The following CCDC62 variants were observed in gnomAD, a reference collection of about 807,000 sequenced individuals.
The protein encoded by CCDC62 is coiled-coil domain-containing protein 62.
CCDC62 carries 72 observed loss-of-function variants against 80.8 expected under a neutral mutation model. The ratio of observed to expected loss-of-function variants is 0.89; its 90% CI spans 0.74 to 1.08. The LOEUF (loss-of-function observed/expected upper bound fraction) is 1.08. CCDC62 is among the 50% of genes least tolerant of loss of function. The probability of loss-of-function intolerance (pLI) is 0.00; values close to 1 mark genes in which losing one functional copy is unlikely to be tolerated. For synonymous variants in CCDC62, 286 were observed against 296.5 expected, an observed-to-expected ratio of 0.96 and a Z score of 0.36; for missense variants, 704 against 809.4, an observed-to-expected ratio of 0.87 and a Z score of 1.58.
In CCDC62 at chr12:122,826,950, A is replaced by G. The variant is rs1034954840; in HGVS notation, c.*569A>G. On this transcript the variant is annotated 3_prime_UTR_variant, in exon 13 of 13. Transcript: ENST00000253079. ...TATAAAATATAAAATGTAACTGGAA[A>G]ATAGCTCGAGGTCCTTCTGTCCCAA... 3 of 152,576 alleles carry G rather than the reference A, an allele frequency of 2.0e-5. No individual in the cohort carries two copies. Among genetic ancestry groups the G allele is most frequent in the Admixed American group, 2.0e-4 (3 of 15,290 alleles). 9.5% of individuals were successfully genotyped at this position (152,576 alleles called of 1,614,324 possible).
At chr12:122,824,820 C>T (rs1010510737) in intron 12 of CCDC62, among the ~76,000 whole-genome samples, 2 of 152,210 alleles carry the variant, frequency 1.3e-5, no homozygotes, top group Non-Finnish European at 2.9e-5. Flanking sequence ...CATGGTGGCT[C>T]ATGCCTATAA....
At chr12:122,788,174 A>G (rs978493004) in intron 4 of CCDC62, among the ~76,000 whole-genome samples, 2 of 152,216 alleles carry the variant, frequency 1.3e-5, no homozygotes, top group African/African-American at 4.8e-5. Flanking sequence ...ACTTATTTTT[A>G]TACTTTTAGG....
chr12:122,795,769 A>G (rs1030872739), intron 6 of CCDC62, among the ~76,000 whole-genome samples: 1 of 152,134 alleles, frequency 6.6e-6, no homozygotes, highest in Non-Finnish European at 1.5e-5. Context: ...GGAGTTTGCA[A>G]AGAGAACAAT....
Position 122,801,295 on chromosome 12 carries a change from C to A in CCDC62, c.1149C>A (p.Ile383=), listed in dbSNP as rs770962624. The A allele has an allele frequency of 6.2e-7, 1 of 1,614,056 alleles. No homozygotes were observed. The highest frequency in any genetic ancestry group is 2.2e-5 in the East Asian group (1 of 44,892). The change falls in exon 9 of 13, where the codon ATC becomes ATA. Residue 383 remains isoleucine, a synonymous_variant. Transcript: ENST00000253079. ...CDECKEKKQQ[I]DTVFGEKSVI... is the part of the protein sequence containing the mutation. ...AATGCAAAGAGAAGAAACAACAGAT[C>A]GATACTGTGTTTGGGGAGAAAAGTG...
chr12:122,826,300 C>T lies in CCDC62; in HGVS notation c.*41-122C>T, dbSNP rs1010528142. The T allele has an allele frequency of 1.3e-5, 5 of 381,110 alleles. 1 individual carries two copies. The highest frequency in any genetic ancestry group is 1.3e-4 in the Admixed American group (4 of 30,886). The allele number at this position is 381,110 out of a possible 1,614,324, so 23.6% of individuals were successfully genotyped here. ...TTCATATTTATAGTATTTTGCATGTCCTGATGTTGATGAAAATCAGGATGT... is the reference window on the plus strand; with the variant it reads ...TTCATATTTATAGTATTTTGCATGTTCTGATGTTGATGAAAATCAGGATGT... On this transcript the variant is annotated intron_variant, in intron 12 of 12. Coordinates refer to ENST00000253079, the MANE Select transcript of CCDC62 (RefSeq NM_201435.5).
chr12:122,779,228 A>C (rs1392839965), intron 2 of CCDC62, among the ~76,000 whole-genome samples: 1 of 152,210 alleles, frequency 6.6e-6, no homozygotes, highest in East Asian at 1.9e-4. Flanking sequence ...ATGAAAACCA[A>C]ATTGAGATAC....
At chr12:122,801,909 A>G in intron 9 of CCDC62, 57 bp downstream of exon 9, 1 of 1,551,322 alleles carries the variant, frequency 6.4e-7, no homozygotes, top group Non-Finnish European at 8.7e-7. Flanking sequence ...GTATTTGGAA[A>G]TACAAAGGGT....
At chr12:122,808,458 A>G (rs976264376) in intron 10 of CCDC62, among the ~76,000 whole-genome samples, 3 of 152,058 alleles carry the variant, frequency 2.0e-5, no homozygotes, top group East Asian at 1.9e-4. Flanking sequence ...CTTTGTATAG[A>G]CACATTTTTT....
Position 122,788,767 on chromosome 12 carries a change from A to C in CCDC62, c.508A>C (p.Ile170Leu). The C allele has an allele frequency of 6.4e-7, 1 of 1,561,252 alleles. No homozygotes were observed. Among genetic ancestry groups the C allele is most frequent in the Non-Finnish European group, 8.6e-7 (1 of 1,160,640 alleles). ...TTMIKLKDKD[I>L]IEAVNHIADC... ...CAAATTTGGTTTTTAGGACAAAGAT[A>C]TTATTGAGGCAGTTAATCACATTGC... The change falls in exon 5 of 13, where the codon ATT (isoleucine) becomes CTT (leucine). Residue 170 changes from isoleucine to leucine, a missense_variant. Coordinates refer to ENST00000253079, the MANE Select transcript of CCDC62 (RefSeq NM_201435.5).
At chr12:122,795,041 C>T (rs999008086) in intron 6 of CCDC62, among the ~76,000 whole-genome samples, 2 of 152,010 alleles carry the variant, frequency 1.3e-5, no homozygotes, top group Non-Finnish European at 2.9e-5. Flanking sequence ...CTAAATGTCA[C>T]GATTTTTTTT....
chr12:122,775,416 G>T (rs1288051699), intron 1 of CCDC62, among the ~76,000 whole-genome samples: 2 of 152,152 alleles, frequency 1.3e-5, no homozygotes, highest in Non-Finnish European at 2.9e-5. Context: ...TCGGCTTACT[G>T]CCTGTTTTCC....
At chr12:122,795,815 C>A (rs965353893) in intron 6 of CCDC62, among the ~76,000 whole-genome samples, 14 of 152,130 alleles carry the variant, frequency 9.2e-5, no homozygotes, top group African/African-American at 3.1e-4. Flanking sequence ...CCTGACAGTC[C>A]TGTAGGTGAG....
intron 3 of CCDC62, among the ~76,000 whole-genome samples, chr12:122,782,488 C>T (rs1352499068): frequency 6.6e-6 from 1 of 152,090 alleles, no homozygotes; most frequent in Non-Finnish European, 1.5e-5. Flanking sequence ...GATGGAGTTT[C>T]ACTCTTGTTG....
chr12:122,811,821 CAAAAAAAAAAAAAA>C (rs67025764), intron 10 of CCDC62, among the ~76,000 whole-genome samples: 24 of 34,664 alleles, frequency 6.9e-4, no homozygotes, highest in South Asian at 2.1e-3. Flanking sequence ...ACTCCATCTG[CAAAAAAAAAAAAAA>C]AAAAAAAAAA....
Position 122,806,266 on chromosome 12 carries a change from T to C in CCDC62, c.1822T>C (p.Tyr608His), listed in dbSNP as rs2031596790. Residue 608 changes from tyrosine (Y) to histidine (H), a missense_variant, in exon 10 of 13, where the codon TAC becomes CAC. By Grantham distance (83) the Tyr-to-His change is moderately conservative (BLOSUM62 2). Coordinates refer to ENST00000253079, the MANE Select transcript of CCDC62 (RefSeq NM_201435.5). ...KKNSPTSLLI[Y>H]KDAPAFNEKA... ...GAACTCACCTACGAGTTTGTTAATC[T>C]ACAAAGATGCACCAGCATTCAATGA... 1 of 1,612,514 alleles carries C rather than the reference T, an allele frequency of 6.2e-7. No individual in the cohort carries two copies. Among genetic ancestry groups the C allele is most frequent in the Non-Finnish European group, 8.5e-7 (1 of 1,179,064 alleles).
intron 4 of CCDC62, among the ~76,000 whole-genome samples, chr12:122,788,401 T>A (rs2030398479): frequency 6.6e-6 from 1 of 152,196 alleles, no homozygotes; most frequent in South Asian, 2.1e-4. Context: ...ACCCTCTTGC[T>A]GCTATTATAG....
chr12:122,811,617 C>G (rs112288169), intron 10 of CCDC62, among the ~76,000 whole-genome samples: 1 of 150,298 alleles, frequency 6.7e-6, no homozygotes, highest in African/African-American at 2.4e-5. Flanking sequence ...GTCAGGAGAT[C>G]GAGACCATCC....
intron 11 of CCDC62, among the ~76,000 whole-genome samples, chr12:122,815,962 G>C (rs1045124127): frequency 3.9e-5 from 6 of 152,142 alleles, no homozygotes; most frequent in African/African-American, 1.2e-4. Context: ...GGCAATTCTT[G>C]CTTAGTCCTT....
At chr12:122,822,192 C>T (rs535008185) in intron 11 of CCDC62, among the ~76,000 whole-genome samples, 1 of 151,262 alleles carries the variant, frequency 6.6e-6, no homozygotes, top group African/African-American at 2.4e-5. Context: ...CAACCTCCAC[C>T]TCCCAGGTTC....
Sources: gnomAD v4.1 joint callset for allele counts (sites outside exome capture counted in the v4.1 genomes callset) on GRCh38, gnomAD v4.1.1 for gene constraint, MANE v1.5 for transcripts, NCBI Gene and HGNC (gene_info 2026-07-23, HGNC 2026-07-21) for gene names.